THSD4: variants seen among roughly 807,000 people sequenced by gnomAD.
THSD4 encodes the protein thrombospondin type 1 domain containing 4, also known as thrombospondin type-1 domain-containing protein 4.
THSD4 carries 69 observed loss-of-function variants against 119.0 expected under a neutral mutation model. That is an observed-to-expected ratio of 0.58 (90% CI 0.48 to 0.71). The LOEUF is 0.71. Ranked by LOEUF, THSD4 falls within the 30% of genes least tolerant of loss-of-function variation. The pLI is 0.00. For synonymous variants in THSD4, 524 were observed against 540.4 expected, an observed-to-expected ratio of 0.97 and a Z score of 0.42; for missense variants, 1,393 against 1,391.1, an observed-to-expected ratio of 1.00 and a Z score of -0.02.
intron 7 of THSD4, among the ~76,000 whole-genome samples, chr15:71,576,792 T>C (rs1362868933): frequency 6.6e-6 from 1 of 152,230 alleles, no homozygotes; most frequent in Non-Finnish European, 1.5e-5. Flanking sequence ...GATAAAAAGA[T>C]AACATGTTAC....
intron 4 of THSD4, among the ~76,000 whole-genome samples, chr15:71,225,680 C>G (rs2044012408): frequency 6.6e-6 from 1 of 151,630 alleles, no homozygotes; most frequent in African/African-American, 2.4e-5. Context: ...ATAGCTGGGA[C>G]TACAGGCACG....
At chr15:71,650,329 C>CT (rs775333073) in intron 7 of THSD4, among the ~76,000 whole-genome samples, 141 of 152,258 alleles carry the variant, frequency 9.3e-4, no homozygotes, top group Non-Finnish European at 1.6e-3. Context: ...CAGCACCTTT[C>CT]AAACCTGAAT....
intron 8 of THSD4, among the ~76,000 whole-genome samples, chr15:71,670,464 T>G (rs2051502015): frequency 6.6e-6 from 1 of 151,210 alleles, no homozygotes; most frequent in Non-Finnish European, 1.5e-5. Context: ...CCACATTTTC[T>G]TTTTTTGTTT....
intron 6 of THSD4, among the ~76,000 whole-genome samples, chr15:71,270,983 G>A (rs2044522286): frequency 6.6e-6 from 1 of 152,116 alleles, no homozygotes; most frequent in African/African-American, 2.4e-5. Flanking sequence ...AGATTTAATA[G>A]AATGATATCT....
At chr15:71,475,063 C>T (rs891818787) in intron 7 of THSD4, among the ~76,000 whole-genome samples, 4 of 152,184 alleles carry the variant, frequency 2.6e-5, no homozygotes, top group Non-Finnish European at 4.4e-5. Flanking sequence ...TTTACCAAGT[C>T]CTCCAGATGA....
intron 6 of THSD4, among the ~76,000 whole-genome samples, chr15:71,352,177 C>T (rs1020943868): frequency 1.3e-5 from 2 of 152,214 alleles, no homozygotes; most frequent in Non-Finnish European, 2.9e-5. Flanking sequence ...TGTCTTTTAA[C>T]ATCCTTTCCC....
At chr15:71,602,553 CAAAAAAAAAA>C (rs59370074) in intron 7 of THSD4, among the ~76,000 whole-genome samples, 3,987 of 53,950 alleles carry the variant, frequency 0.074, 235 homozygotes, top group African/African-American at 0.24. Context: ...AACTCTGTCT[CAAAAAAAAAA>C]AAAAAAAAAA....
intron 6 of THSD4, among the ~76,000 whole-genome samples, chr15:71,278,386 A>G (rs1400490139): frequency 3.3e-5 from 5 of 152,128 alleles, no homozygotes; most frequent in East Asian, 1.9e-4. Flanking sequence ...GGGTTTTGCC[A>G]TGTTGCCCAG....
intron 8 of THSD4, 56 bp downstream of exon 8, chr15:71,660,790 C>A (rs2051290941): frequency 6.3e-7 from 1 of 1,592,380 alleles, no homozygotes; most frequent in Non-Finnish European, 8.6e-7. Context: ...TGATGTATTC[C>A]TTCAGAACTG....
chr15:71,155,073 A>G, intron 3 of THSD4, 141 bp downstream of exon 3: 1 of 766,988 alleles, frequency 1.3e-6, no homozygotes, highest in South Asian at 1.6e-5. Flanking sequence ...TATGGAGTGT[A>G]CTATTCTGTT....
intron 7 of THSD4, among the ~76,000 whole-genome samples, chr15:71,645,545 T>C (rs765079934): frequency 6.6e-6 from 1 of 152,196 alleles, no homozygotes; most frequent in Non-Finnish European, 1.5e-5. Context: ...TCCTGGCTTG[T>C]CATCGAAATC....
At position 71,590,239 on chromosome 15, in the gene THSD4, G is replaced by A. The variant is rs545322459; in HGVS notation, c.1153-70291G>A. Among the ~76,000 whole-genome samples the A allele has an allele frequency of 4.3e-5, 6 of 138,638 alleles. 1 individual carries two copies. The highest frequency in any genetic ancestry group is 2.3e-4 in the South Asian group (1 of 4,306). 91.0% of individuals were successfully genotyped at this position (138,638 alleles called of 152,430 possible). ...GAAGACTTGAAATATTCCGTAATAC[G>A]TTTGTTCACAGCAGAATTTCAGAAT... On this transcript the variant is annotated intron_variant, in intron 7 of 17. Transcript: ENST00000261862.
intron 7 of THSD4, among the ~76,000 whole-genome samples, chr15:71,639,678 A>G (rs1487467648): frequency 6.6e-6 from 1 of 152,196 alleles, no homozygotes; most frequent in Non-Finnish European, 1.5e-5. Flanking sequence ...AAATATGTTA[A>G]ACAACTTATT....
chr15:71,755,765 A>G (rs2141190128), intron 14 of THSD4, among the ~76,000 whole-genome samples: 1 of 150,302 alleles, frequency 6.7e-6, no homozygotes, highest in South Asian at 2.1e-4. Flanking sequence ...ATACAAAGGC[A>G]GGAAGCAGCA....
chr15:71,381,044 T>G (rs2046222112), intron 6 of THSD4, among the ~76,000 whole-genome samples: 1 of 152,182 alleles, frequency 6.6e-6, no homozygotes. Flanking sequence ...GATTATGGGC[T>G]TGACAAGCCA....
At chr15:71,332,891 CAT>C (rs2045441757) in intron 6 of THSD4, among the ~76,000 whole-genome samples, 6 of 38,038 alleles carry the variant, frequency 1.6e-4, no homozygotes, top group South Asian at 9.1e-4. Context: ...GATTTTTTTA[CAT>C]TTTTTTTTTT....
At chr15:71,261,544 A>T (rs568437079) in intron 6 of THSD4, among the ~76,000 whole-genome samples, 1 of 152,090 alleles carries the variant, frequency 6.6e-6, no homozygotes, top group East Asian at 1.9e-4. Context: ...AAACTATACC[A>T]TGGTCTTGTT....
At chr15:71,687,691 G>T (rs1484479844) in intron 8 of THSD4, among the ~76,000 whole-genome samples, 2 of 150,988 alleles carry the variant, frequency 1.3e-5, no homozygotes. Flanking sequence ...GGAGACGGAG[G>T]CTGCAGTGAG....
chr15:71,294,741 T>G (rs1237788685), intron 6 of THSD4, among the ~76,000 whole-genome samples: 1 of 152,136 alleles, frequency 6.6e-6, no homozygotes, highest in African/African-American at 2.4e-5. Context: ...TCCTCTTAGA[T>G]AGAAGACAGA....
Sources: gnomAD v4.1 joint callset for allele counts (sites outside exome capture counted in the v4.1 genomes callset) on GRCh38, gnomAD v4.1.1 for gene constraint, MANE v1.5 for transcripts, NCBI Gene and HGNC (gene_info 2026-07-23, HGNC 2026-07-21) for gene names.